Variants in IMMP2L observed in about 807,000 individuals in gnomAD.
IMMP2L encodes mitochondrial inner membrane protease subunit 2.
IMMP2L carries 18 observed loss-of-function variants against 19.3 expected under a neutral mutation model. The observed-to-expected ratio is 0.93, with a 90% CI of 0.64 to 1.38. IMMP2L has a LOEUF of 1.38. IMMP2L is among the 40% of genes most tolerant of loss of function. The probability of loss-of-function intolerance (pLI) is 0.00; values close to 1 mark genes in which losing one functional copy is unlikely to be tolerated. For missense variants in IMMP2L, 233 were observed against 218.2 expected, an observed-to-expected ratio of 1.07 and a Z score of -0.43; for synonymous variants, 76 against 73.0, an observed-to-expected ratio of 1.04 and a Z score of -0.21.
intron 3 of IMMP2L, among the ~76,000 whole-genome samples, chr7:111,296,348 T>A (rs1821636718): frequency 6.6e-6 from 1 of 151,716 alleles, no homozygotes; most frequent in Admixed American, 6.6e-5. Context: ...CGACTAAAGT[T>A]AAAAACTGAT....
intron 1 of IMMP2L, among the ~76,000 whole-genome samples, chr7:111,541,648 C>A (rs1848512109): frequency 6.6e-6 from 1 of 152,000 alleles, no homozygotes; most frequent in Non-Finnish European, 1.5e-5. Flanking sequence ...TTCACAATGA[C>A]TGTGACAATA....
chr7:110,872,405 C>T (rs1367292968), intron 5 of IMMP2L, among the ~76,000 whole-genome samples: 1 of 152,032 alleles, frequency 6.6e-6, no homozygotes, highest in South Asian at 2.1e-4. Flanking sequence ...GATATTGTAC[C>T]TCTGTCTCTG....
intron 3 of IMMP2L, among the ~76,000 whole-genome samples, chr7:111,396,809 G>C (rs1404869872): frequency 6.6e-6 from 1 of 152,012 alleles, no homozygotes; most frequent in Non-Finnish European, 1.5e-5. Flanking sequence ...TTTTCACTGG[G>C]TGCGGTGGCT....
At chr7:110,740,496 C>CAGA (rs1238697574) in intron 5 of IMMP2L, among the ~76,000 whole-genome samples, 3 of 152,032 alleles carry the variant, frequency 2.0e-5, no homozygotes, top group African/African-American at 7.2e-5. Flanking sequence ...TGGAAATATA[C>CAGA]AACCCTCCTA....
intron 3 of IMMP2L, among the ~76,000 whole-genome samples, chr7:111,020,518 T>C (rs1280284390): frequency 6.6e-6 from 1 of 152,176 alleles, no homozygotes; most frequent in Non-Finnish European, 1.5e-5. Context: ...TCCCAGCACT[T>C]TGGGATGCTG....
chr7:111,160,958 T>C (rs1453560980), intron 3 of IMMP2L, among the ~76,000 whole-genome samples: 2 of 151,610 alleles, frequency 1.3e-5, no homozygotes, highest in African/African-American at 4.8e-5. Context: ...AAAAGAATTC[T>C]GTGAATAATT....
At chr7:111,317,907 A>T (rs57129648) in intron 3 of IMMP2L, among the ~76,000 whole-genome samples, 1 of 152,148 alleles carries the variant, frequency 6.6e-6, no homozygotes, top group Non-Finnish European at 1.5e-5. Context: ...TTTGTTATAG[A>T]TTCTACATGG....
chr7:110,873,698 C>T (rs1371299735), intron 5 of IMMP2L, among the ~76,000 whole-genome samples: 2 of 150,878 alleles, frequency 1.3e-5, no homozygotes, highest in African/African-American at 2.4e-5. Context: ...CCCTTGAACC[C>T]AGGAGGCGGA....
chr7:110,884,206 G>A (rs1054781998), intron 5 of IMMP2L, among the ~76,000 whole-genome samples: 8 of 151,942 alleles, frequency 5.3e-5, no homozygotes, highest in Non-Finnish European at 1.0e-4. Context: ...TTGTGTGCTG[G>A]TGAAGAACAT....
At position 110,853,018 on chromosome 7, in the gene IMMP2L, G is replaced by A. The variant is rs78636125; in HGVS notation, c.408+33575C>T. On this transcript the variant is annotated intron_variant, in intron 5 of 5. Coordinates refer to ENST00000405709, the MANE Select transcript of IMMP2L (RefSeq NM_032549.4). ...AACTACATCTTGAGTTGGTTATGCA[G>A]CAAAAGATTACTAGAACAACATGGG... Among the ~76,000 whole-genome samples, 1,458 of 152,078 alleles carry A rather than the reference G, an allele frequency of 9.6e-3. 22 individuals carry two copies. Among genetic ancestry groups the A allele is most frequent in the African/African-American group, 0.032 (1,346 of 41,494 alleles).
chr7:111,373,684 T>A (rs1490465645), intron 3 of IMMP2L, among the ~76,000 whole-genome samples: 1 of 152,038 alleles, frequency 6.6e-6, no homozygotes, highest in Non-Finnish European at 1.5e-5. Context: ...AAGGATGGGT[T>A]GGTAAGATTA....
intron 5 of IMMP2L, among the ~76,000 whole-genome samples, chr7:110,684,697 T>C (rs1584495475): frequency 6.6e-6 from 1 of 151,974 alleles, no homozygotes; most frequent in African/African-American, 2.4e-5. Flanking sequence ...CTGTGGAAAT[T>C]TGGGCTGATG....
intron 3 of IMMP2L, among the ~76,000 whole-genome samples, chr7:111,104,585 A>AATT (rs141223397): frequency 0.061 from 9,315 of 151,834 alleles, 553 homozygotes; most frequent in African/African-American, 0.15. Context: ...ATCATGCTAA[A>AATT]TAACAGAAAA....
intron 5 of IMMP2L, among the ~76,000 whole-genome samples, chr7:110,860,852 TA>T (rs1807321495): frequency 6.6e-6 from 1 of 152,074 alleles, no homozygotes; most frequent in Non-Finnish European, 1.5e-5. Flanking sequence ...TTCCTTCTTT[TA>T]AAAATAAAGT....
chr7:111,432,923 A>T (rs1275422434), intron 3 of IMMP2L, among the ~76,000 whole-genome samples: 2 of 151,412 alleles, frequency 1.3e-5, no homozygotes, highest in African/African-American at 4.9e-5. Context: ...CCAAGAACCA[A>T]ATCAAGGAGG....
chr7:111,150,149 T>C (rs934902186), intron 3 of IMMP2L, among the ~76,000 whole-genome samples: 1 of 152,190 alleles, frequency 6.6e-6, no homozygotes, highest in African/African-American at 2.4e-5. Flanking sequence ...TTATGATCTC[T>C]TTGTAGGTTT....
chr7:110,842,891 T>A (rs1261111647), intron 5 of IMMP2L, among the ~76,000 whole-genome samples: 1 of 152,150 alleles, frequency 6.6e-6, no homozygotes, highest in Non-Finnish European at 1.5e-5. Context: ...AGAGAAGTCT[T>A]GAAATCTGAA....
intron 5 of IMMP2L, among the ~76,000 whole-genome samples, chr7:110,764,938 C>T (rs980454025): frequency 2.6e-4 from 39 of 151,962 alleles, no homozygotes; most frequent in Admixed American, 9.2e-4. Context: ...TTGTATTGAT[C>T]GAAGATGATG....
chr7:111,160,389 A>G (rs1454087935), intron 3 of IMMP2L, among the ~76,000 whole-genome samples: 1 of 152,018 alleles, frequency 6.6e-6, no homozygotes, highest in African/African-American at 2.4e-5. Context: ...GTCTACTGCA[A>G]TTTCTATAGA....
Sources: allele counts gnomAD v4.1 joint callset (sites outside exome capture counted in the v4.1 genomes callset), GRCh38; gene constraint gnomAD v4.1.1; transcripts MANE v1.5; gene names NCBI Gene and HGNC (gene_info 2026-07-23, HGNC 2026-07-21).